Variants in ZFR2 observed in about 807,000 individuals in gnomAD.
ZFR2 encodes zinc finger RNA binding protein 2, also known as zinc finger RNA-binding protein 2.
ZFR2 carries 104 observed loss-of-function variants against 105.7 expected under a neutral mutation model. The observed-to-expected ratio is 0.98, with a 90% confidence interval of 0.84 to 1.16. The LOEUF is 1.16. Among genes scored for constraint, ZFR2 ranks in the 50% most tolerant of loss-of-function variants. The pLI, the probability that ZFR2 is intolerant of heterozygous loss-of-function variation, is 0.00. For synonymous variants in ZFR2, 634 were observed against 597.7 expected (o/e 1.06, Z -0.89); for missense variants, 1,425 against 1,355.5 (o/e 1.05, Z -0.80).
chr19:3,844,333 T>A (rs1280230187), intron 1 of ZFR2, among the ~76,000 whole-genome samples: 1 of 151,980 alleles, frequency 6.6e-6, no homozygotes, highest in Non-Finnish European at 1.5e-5. Context: ...AAGTAACTTT[T>A]AAAAAAACAT....
intron 5 of ZFR2, among the ~76,000 whole-genome samples, chr19:3,828,671 A>G (rs1452627444): frequency 6.6e-6 from 1 of 152,212 alleles, no homozygotes; most frequent in Non-Finnish European, 1.5e-5. Context: ...CCAAGCCCTT[A>G]GGCAGAATCC....
At chr19:3,854,773 T>C (rs1309682891) in intron 1 of ZFR2, among the ~76,000 whole-genome samples, 2 of 152,120 alleles carry the variant, frequency 1.3e-5, no homozygotes, top group Admixed American at 6.5e-5. Flanking sequence ...AAGAGGTTTT[T>C]TGTTTTAAGA....
At position 3,838,214 on chromosome 19, in the gene ZFR2, C is replaced by G. The variant is rs904603891; in HGVS notation, c.54-3231G>C. ...CCGATGAACATCCCGACAATACATTCGATGAACACCGTGACTACTGACATT... is the reference window on the plus strand; with the variant it reads ...CCGATGAACATCCCGACAATACATTGGATGAACACCGTGACTACTGACATT... On this transcript the variant is annotated intron_variant, in intron 1 of 18. Transcript: ENST00000262961. The surrounding 1 kb of genome is among the most constrained non-coding windows in gnomAD (Gnocchi z 4.9). 1.3e-5 allele frequency among the ~76,000 whole-genome samples: 2 copies of G among 152,038 alleles called. No homozygotes were observed. The highest frequency in any genetic ancestry group is 6.6e-5 in the Admixed American group (1 of 15,252).
At chr19:3,865,924 C>G (rs145114005) in intron 1 of ZFR2, among the ~76,000 whole-genome samples, 37 of 152,246 alleles carry the variant, frequency 2.4e-4, no homozygotes, top group African/African-American at 8.2e-4. Flanking sequence ...TCACAGCAAC[C>G]TCCACCTCCC....
At chr19:3,855,794 G>A (rs879870109) in intron 1 of ZFR2, among the ~76,000 whole-genome samples, 3 of 152,122 alleles carry the variant, frequency 2.0e-5, no homozygotes, top group Non-Finnish European at 2.9e-5. Context: ...AGGGTGAAGT[G>A]CCCGGAACCT....
rs185400185 is a variant in ZFR2, at chr19:3,823,293, C to T, written c.1324G>A (p.Ala442Thr). The stretch of plus-strand genomic sequence containing the variant: ...ACCGGCTGCGCATCAGAGCAGCCCG[C>T]GGGAGCTTCCTTTGAGCCTCCTTGG... The part of the protein sequence containing the change: ...PTQGGSKEAP[A>T]GCSDAQPVGP... The change falls in exon 8 of 19, where the codon GCG becomes ACG. Residue 442 changes from alanine to threonine, a missense_variant. By Grantham distance (58) the Ala-to-Thr change is moderately conservative (BLOSUM62 0). Transcript: ENST00000262961. The surrounding 1 kb of genome is among the most constrained non-coding windows in gnomAD (Gnocchi z 5.4). The T allele has an allele frequency of 6.1e-5, 99 of 1,614,032 alleles. No homozygotes were observed. In the East Asian group the frequency reaches 1.8e-3, roughly 29 times the overall value.
At chr19:3,815,668 C>T (rs1437343724) in intron 13 of ZFR2, among the ~76,000 whole-genome samples, 3 of 151,804 alleles carry the variant, frequency 2.0e-5, no homozygotes, top group African/African-American at 4.8e-5. Context: ...ACTGAAGCCT[C>T]GAACTCTTGG....
chr19:3,827,531 G>C lies in ZFR2; in HGVS notation c.975C>G (p.Ala325=). 6.4e-7 allele frequency: 1 copy of C among 1,560,728 alleles called. No homozygotes were observed. The highest frequency in any genetic ancestry group is 8.7e-7 in the Non-Finnish European group (1 of 1,153,288). Residue 325 remains alanine (A), a synonymous_variant, in exon 6 of 19, where the codon GCC becomes GCG. Transcript: ENST00000262961. The stretch of plus-strand genomic sequence containing the variant: ...AGGCGTCCGCCCCGGTGCAGGACAC[G>C]GCGCACAGGTCGCAATGCAGCTGCG... ...VQAQLHCDLC[A]VSCTGADAYA...
chr19:3,814,791 C>G (rs766675042), intron 13 of ZFR2, among the ~76,000 whole-genome samples: 1 of 152,316 alleles, frequency 6.6e-6, no homozygotes, highest in East Asian at 1.9e-4. Context: ...AACCCTCCAG[C>G]CTCCCCACTT....
At chr19:3,863,741 C>A (rs62133048) in intron 1 of ZFR2, among the ~76,000 whole-genome samples, 19,258 of 152,210 alleles carry the variant, frequency 0.13, 1,566 homozygotes, top group East Asian at 0.24. Context: ...GTGGTCAGGG[C>A]TGGGTTCCAC....
chr19:3,815,358 G>C (rs1480687174), intron 13 of ZFR2, among the ~76,000 whole-genome samples: 1 of 152,160 alleles, frequency 6.6e-6, no homozygotes, highest in Admixed American at 6.5e-5. Context: ...CCAAAGTGTT[G>C]GGATTACAGG....
At chr19:3,815,337 G>A (rs2037813999) in intron 13 of ZFR2, among the ~76,000 whole-genome samples, 1 of 152,180 alleles carries the variant, frequency 6.6e-6, no homozygotes, top group African/African-American at 2.4e-5. Flanking sequence ...TGATCCACCT[G>A]CCTTGGCCTC....
At chr19:3,854,234 C>CA (rs57111652) in intron 1 of ZFR2, among the ~76,000 whole-genome samples, 24,742 of 151,426 alleles carry the variant, frequency 0.16, 2,861 homozygotes, top group African/African-American at 0.34. Flanking sequence ...TATAAAAATA[C>CA]AAAAAAAATG....
At chr19:3,848,992 TCAAAACAAAA>T (rs143956990) in intron 1 of ZFR2, among the ~76,000 whole-genome samples, 24 of 151,600 alleles carry the variant, frequency 1.6e-4, no homozygotes, top group Admixed American at 5.2e-4. Flanking sequence ...AGACTCCGTC[TCAAAACAAAA>T]CAAAACAAAA....
At position 3,823,249 on chromosome 19, in the gene ZFR2, C is replaced by T. The variant is rs753147053; in HGVS notation, c.1368G>A (p.Glu456=). Residue 456 remains glutamate (E), a synonymous_variant, in exon 8 of 19, where the codon GAG becomes GAA. Transcript: ENST00000262961. The surrounding 1 kb of genome is among the most constrained non-coding windows in gnomAD (Gnocchi z 5.4). ...GGACTTGACAGCCTCGACTTACCTC[C>T]TCCACATATTCCGGGCCCACCGGCT... ...DAQPVGPEYV[E]EVFSDEGRVL... is the part of the protein sequence containing the mutation. 6 of 1,613,882 alleles carry T rather than the reference C, an allele frequency of 3.7e-6. No individual in the cohort carries two copies. The highest frequency in any genetic ancestry group is 5.1e-6 in the Non-Finnish European group (6 of 1,179,854).
intron 1 of ZFR2, among the ~76,000 whole-genome samples, chr19:3,851,246 C>T (rs571030456): frequency 4.4e-4 from 67 of 152,152 alleles, no homozygotes; most frequent in East Asian, 7.7e-4. Flanking sequence ...AGAACACATG[C>T]GCCATCATGT....
At position 3,834,681 on chromosome 19, in the gene ZFR2, G is replaced by A; in HGVS notation, c.264+92C>T. On this transcript the variant is annotated intron_variant, in intron 2 of 18. Transcript: ENST00000262961. The surrounding 1 kb of genome is among the most constrained non-coding windows in gnomAD (Gnocchi z 5.3). ...GAAGGATCACGGTTAAGAGGCCTGGGAGAAGGAGTAGCTGTGGGAAGCCCA... is the reference window on the plus strand; with the variant it reads ...GAAGGATCACGGTTAAGAGGCCTGGAAGAAGGAGTAGCTGTGGGAAGCCCA... 7.6e-7 allele frequency: 1 copy of A among 1,320,882 alleles called. No individual in the cohort carries two copies. The allele number at this position is 1,320,882 out of a possible 1,614,324, so 81.8% of individuals were successfully genotyped here. A position where few individuals can be genotyped will look rare whatever the true frequency, so the allele number is the denominator to read the frequency against.
intron 1 of ZFR2, among the ~76,000 whole-genome samples, chr19:3,854,501 G>A (rs555826071): frequency 2.6e-5 from 4 of 152,254 alleles, no homozygotes; most frequent in Admixed American, 1.3e-4. Flanking sequence ...TGAGACCAGC[G>A]ATCATGTGAA....
intron 1 of ZFR2, chr19:3,855,429 C>T (rs1376497925): frequency 3.2e-6 from 4 of 1,231,540 alleles, no homozygotes; most frequent in Non-Finnish European, 4.0e-6. Context: ...CAGTCCCGGG[C>T]GATCCGGCGG....
Sources: gnomAD v4.1 joint callset for allele counts (sites outside exome capture counted in the v4.1 genomes callset) on GRCh38, gnomAD v4.1.1 for gene constraint, Gnocchi (gnomAD v3.1) non-coding constraint, MANE v1.5 for transcripts, NCBI Gene and HGNC (gene_info 2026-07-23, HGNC 2026-07-21) for gene names.